Variants in ZNF467 observed in about 807,000 individuals in gnomAD.
ZNF467 encodes zinc finger protein 467.
Under a neutral mutation model 47.8 loss-of-function variants are expected in ZNF467, and 51 were observed. The observed-to-expected ratio is 1.07, with a 90% CI of 0.85 to 1.35. The LOEUF (loss-of-function observed/expected upper bound fraction) is 1.35, where lower values mean the gene tolerates loss of function less well. Among genes scored for constraint, ZNF467 ranks in the 40% most tolerant of loss-of-function variants. ZNF467 has a pLI of 0.00. For synonymous variants in ZNF467, 416 were observed against 372.9 expected (o/e 1.12, Z -1.33); for missense variants, 992 against 858.1 (o/e 1.16, Z -1.95).
Position 149,764,954 on chromosome 7 carries a change from G to T in ZNF467, c.1548C>A (p.Ala516=). Residue 516 remains alanine, a synonymous_variant, in exon 5 of 5, where the codon GCC becomes GCA. Coordinates refer to ENST00000302017, the MANE Select transcript of ZNF467 (RefSeq NM_207336.3). ...TGAAGCTGCGGGCGCAGACGGCGCA[G>T]GCGTGGGGGCGGCTGCCAGTGTGCA... is the stretch of plus-strand genomic sequence containing the variant. The part of the protein sequence containing the change: ...QAVHTGSRPH[A]CAVCARSFSS... 6.3e-7 allele frequency: 1 copy of T among 1,588,452 alleles called. No homozygotes were observed.
chr7:149,769,050 G>T lies in ZNF467; in HGVS notation c.262+40C>A. The stretch of plus-strand genomic sequence containing the variant: ...GAGCTTGCTGGGCCCCGTTCCCTTG[G>T]CCTGAGCCCGTGGTGGGATGAAGTG... On this transcript the variant is annotated intron_variant, in intron 4 of 4. Coordinates refer to ENST00000302017, the MANE Select transcript of ZNF467 (RefSeq NM_207336.3). This position sits in a 1 kb window ranked among gnomAD's most constrained non-coding sequence, Gnocchi z 5.3. 1 of 1,501,494 alleles carries T rather than the reference G, an allele frequency of 6.7e-7. No individual in the cohort carries two copies. Among genetic ancestry groups the T allele is most frequent in the South Asian group, 1.3e-5 (1 of 78,114 alleles). The allele number at this position is 1,501,494 out of a possible 1,614,324, so 93.0% of individuals were successfully genotyped here.
chr7:149,768,397 T>C (rs960448807), intron 4 of ZNF467, among the ~76,000 whole-genome samples: 1 of 152,254 alleles, frequency 6.6e-6, no homozygotes, highest in African/African-American at 2.4e-5. Context: ...CCGAAGCTCC[T>C]GGAGGCAAGG....
At chr7:149,771,458 A>G (rs190902317) in intron 1 of ZNF467, among the ~76,000 whole-genome samples, 1,814 of 152,118 alleles carry the variant, frequency 0.012, 16 homozygotes, top group Middle Eastern at 0.041. Context: ...GGGAGTGGGA[A>G]ACTTCATCTC....
At position 149,764,590 on chromosome 7, in the gene ZNF467, A is replaced by G; in HGVS notation, c.*124T>C. On this transcript the variant is annotated 3_prime_UTR_variant, in exon 5 of 5. Transcript: ENST00000302017. ...CGGACGCAGACACTGCGGGAAGGAA[A>G]CAGGTGTCCCGCGGCGGCCAAACCT... 2 of 1,509,422 alleles carry G rather than the reference A, an allele frequency of 1.3e-6. No homozygotes were observed. The highest frequency in any genetic ancestry group is 1.4e-5 in the African/African-American group (1 of 72,412). The allele number at this position is 1,509,422 out of a possible 1,614,324, so 93.5% of individuals were successfully genotyped here. A position where few individuals can be genotyped will look rare whatever the true frequency, so the allele number is the denominator to read the frequency against.
rs773614469 is a variant in ZNF467, at chr7:149,766,088, T to C, written c.414A>G (p.Pro138=). Residue 138 remains proline (P), a synonymous_variant, in exon 5 of 5, where the codon CCA becomes CCG. Coordinates refer to ENST00000302017, the MANE Select transcript of ZNF467 (RefSeq NM_207336.3). ...GHLAAAYKLE[P]GAPGALSGLA... is the part of the protein sequence containing the mutation. The stretch of plus-strand genomic sequence containing the variant: ...GCCCACTCAGTGCCCCCGGGGCCCC[T>C]GGCTCCAGTTTGTACGCGGCAGCCA... 1.1e-5 allele frequency: 18 copies of C among 1,610,222 alleles called. No individual in the cohort carries two copies. The South Asian group carries it at 2.0e-4, about 18-fold the overall frequency.
In ZNF467 at chr7:149,765,624, A is replaced by G. The variant is rs1212871421; in HGVS notation, c.878T>C (p.Ile293Thr). The G allele has an allele frequency of 2.5e-6, 4 of 1,606,792 alleles. No individual in the cohort carries two copies. The highest frequency in any genetic ancestry group is 3.4e-6 in the Non-Finnish European group (4 of 1,176,986). Residue 293 changes from isoleucine (I) to threonine (T), a missense_variant, in exon 5 of 5, where the codon ATC (isoleucine) becomes ACC (threonine). Transcript: ENST00000302017. Reference sequence around the variant, plus strand: ...CTGGTAGGGCCTCTCGCCCGTATGGATGCGCTGGTGCCGAATCAAGTGCGT... The same window carrying G: ...CTGGTAGGGCCTCTCGCCCGTATGGGTGCGCTGGTGCCGAATCAAGTGCGT... ...KKTHLIRHQR[I>T]HTGERPYQCA...
chr7:149,776,195 T>TC, upstream of ZNF467: 2 of 617,132 alleles, frequency 3.2e-6, no homozygotes, highest in South Asian at 1.9e-5. Flanking sequence ...CCCGGGATCC[T>TC]CCCTCCACCC....
At chr7:149,767,244 C>T (rs1032411775) in intron 4 of ZNF467, among the ~76,000 whole-genome samples, 59 of 152,396 alleles carry the variant, frequency 3.9e-4, no homozygotes, top group African/African-American at 1.3e-3. Context: ...CACGCCTGTG[C>T]TGCATCATCA....
upstream of ZNF467, among the ~76,000 whole-genome samples, chr7:149,774,447 A>G (rs1799521056): frequency 6.6e-6 from 1 of 152,036 alleles, no homozygotes; most frequent in Non-Finnish European, 1.5e-5. The surrounding 1 kb of genome is among the most constrained non-coding windows in gnomAD (Gnocchi z 5.7). Flanking sequence ...TCCCAATCCC[A>G]GTGCTGCCTG....
chr7:149,766,633 C>T (rs1452549311), intron 4 of ZNF467, among the ~76,000 whole-genome samples: 3 of 152,224 alleles, frequency 2.0e-5, no homozygotes, highest in Non-Finnish European at 4.4e-5. Flanking sequence ...TCCAGCAGCT[C>T]TCCTTGGTAC....
rs73168053 is a variant in ZNF467 at position 149,764,398 on chromosome 7, T to G, written c.*316A>C. 0.062 allele frequency: 35,562 copies of G among 571,722 alleles called. 1,373 individuals carry two copies. Among genetic ancestry groups the G allele is most frequent in the South Asian group, 0.15 (6,504 of 44,152 alleles). The allele number at this position is 571,722 out of a possible 1,614,324, so 35.4% of individuals were successfully genotyped here. A position where few individuals can be genotyped will look rare whatever the true frequency, so the allele number is the denominator to read the frequency against. ...TAACTTTAATGAAACTTTAAGTACA[T>G]AAATAACCACTCTTTCCTGCCCTGG... is the stretch of plus-strand genomic sequence containing the variant. On this transcript the variant is annotated 3_prime_UTR_variant, in exon 5 of 5. Coordinates refer to ENST00000302017, the MANE Select transcript of ZNF467 (RefSeq NM_207336.3).
intron 4 of ZNF467, among the ~76,000 whole-genome samples, chr7:149,767,738 G>C (rs1799267255): frequency 6.6e-6 from 1 of 152,118 alleles, no homozygotes; most frequent in Admixed American, 6.6e-5. Context: ...CTTTTTCAGA[G>C]ATGGGGTCTC....
rs1350583243 is a variant in ZNF467 at position 149,765,909 on chromosome 7, G to C, written c.593C>G (p.Thr198Arg). The C allele has an allele frequency of 2.6e-6, 4 of 1,566,640 alleles. No homozygotes were observed. The highest frequency in any genetic ancestry group is 3.5e-6 in the Non-Finnish European group (4 of 1,156,912). Residue 198 changes from threonine (T) to arginine (R), a missense_variant, in exon 5 of 5, where the codon ACG becomes AGG. By Grantham distance (71) the Thr-to-Arg change is moderately conservative. Transcript: ENST00000302017. ...CACPDCGRSFTQRAHMLLHQR... is the reference protein window; with the variant it reads ...CACPDCGRSFRQRAHMLLHQR... ...ATGCAGTAGCATGTGGGCGCGCTGC[G>C]TGAAGCTGCGGCCGCAGTCCGGGCA...
rs1799086896 is a variant in ZNF467, at chr7:149,764,624, C to G, written c.*90G>C. 11 of 1,549,968 alleles carry G rather than the reference C, an allele frequency of 7.1e-6. No homozygotes were observed. In the East Asian group the frequency reaches 2.7e-4, roughly 38 times the overall value. On this transcript the variant is annotated 3_prime_UTR_variant, in exon 5 of 5. Transcript: ENST00000302017. ...CCGCGGCGGCCAAACCTTCGGGCAG[C>G]AGCCCAGGTCGCCTTGCTCACCCCA... is the stretch of plus-strand genomic sequence containing the variant.
intron 4 of ZNF467, among the ~76,000 whole-genome samples, chr7:149,766,485 C>T (rs1343273501): frequency 1.3e-5 from 2 of 152,192 alleles, no homozygotes; most frequent in Admixed American, 1.3e-4. Flanking sequence ...TGCCCAGGAG[C>T]CCTCCAGCAC....
chr7:149,776,139 G>A (rs34153778), upstream of ZNF467: 39,972 of 1,318,736 alleles, frequency 0.03, 1,770 homozygotes, highest in African/African-American at 0.2. Context: ...TCCTTCTGCC[G>A]CATGCCCAGG....
chr7:149,771,109 C>G, intron 1 of ZNF467, 35 bp from the exon 2 acceptor site: 1 of 1,599,092 alleles, frequency 6.3e-7, no homozygotes, highest in Non-Finnish European at 8.6e-7. Flanking sequence ...CAGATTTTTC[C>G]CACGCCAGCT....
At chr7:149,770,664 C>A in intron 2 of ZNF467, 108 bp from the exon 3 acceptor site, 1 of 943,768 alleles carries the variant, frequency 1.1e-6, no homozygotes. Flanking sequence ...TTTTCCCAAC[C>A]TGCTCAGGAA....
At position 149,764,201 on chromosome 7, in the gene ZNF467, C is replaced by G. The variant is rs1799066099; in HGVS notation, c.*513G>C. On this transcript the variant is annotated 3_prime_UTR_variant, in exon 5 of 5. Transcript: ENST00000302017. ...GGTGGCTTAGTGAATAAATATATTA[C>G]ATTTTTATTTGGGAGAACCAATTAA... 1 of 297,972 alleles carries G rather than the reference C, an allele frequency of 3.4e-6. No homozygotes were observed. Among genetic ancestry groups the G allele is most frequent in the Non-Finnish European group, 6.1e-6 (1 of 162,968 alleles). 18.5% of individuals were successfully genotyped at this position (297,972 alleles called of 1,614,324 possible).
Sources: gnomAD v4.1 joint callset for allele counts (sites outside exome capture counted in the v4.1 genomes callset) on GRCh38, gnomAD v4.1.1 for gene constraint, Gnocchi (gnomAD v3.1) non-coding constraint, MANE v1.5 for transcripts, NCBI Gene and HGNC (gene_info 2026-07-23, HGNC 2026-07-21) for gene names.